PCDHA9: variants seen among roughly 807,000 people sequenced by gnomAD.
PCDHA9 encodes the protein protocadherin alpha 9.
PCDHA9 carries 62 observed loss-of-function variants against 62.0 expected under a neutral mutation model. That is an observed-to-expected ratio of 1.00 (90% CI 0.81 to 1.23). The LOEUF (loss-of-function observed/expected upper bound fraction) is 1.23, where lower values mean the gene tolerates loss of function less well. Ranked by LOEUF, PCDHA9 falls within the 50% of genes most tolerant of loss-of-function variation. The pLI, the probability that PCDHA9 is intolerant of heterozygous loss-of-function variation, is 0.00. For missense variants in PCDHA9, 1,205 were observed against 1,249.8 expected (o/e 0.96, Z 0.54); for synonymous variants, 557 against 567.6 (o/e 0.98, Z 0.27).
intron 1 of PCDHA9, among the ~76,000 whole-genome samples, chr5:140,959,151 C>CAG (rs782425604): frequency 2.0e-4 from 30 of 152,084 alleles, no homozygotes; most frequent in African/African-American, 7.0e-4. Context: ...CCAAAGTGGG[C>CAG]AGATTGCTTG....
At chr5:141,001,280 G>T (rs1308036863) in intron 3 of PCDHA9, among the ~76,000 whole-genome samples, 2 of 152,162 alleles carry the variant, frequency 1.3e-5, no homozygotes, top group South Asian at 2.1e-4. Context: ...TTTTTTTACG[G>T]ATGAAAACTG....
intron 1 of PCDHA9, among the ~76,000 whole-genome samples, chr5:140,887,239 G>C (rs1248062448): frequency 6.6e-6 from 1 of 151,736 alleles, no homozygotes. Flanking sequence ...TGAGACTACC[G>C]GCGCCCGCCA....
In PCDHA9 at chr5:140,973,293, A is replaced by G. The variant is rs150966135; in HGVS notation, c.2395-5656A>G. Among the ~76,000 whole-genome samples, 103 of 152,230 alleles carry G rather than the reference A, an allele frequency of 6.8e-4. No homozygotes were observed. The East Asian group carries it at 0.019, about 27-fold the overall frequency. On this transcript the variant is annotated intron_variant, in intron 1 of 3. Transcript: ENST00000532602. ...TATTTCCCCCAGCACTGATTTTTCT[A>G]TCTGATGACTCTATCCTGGAACAGA...
intron 1 of PCDHA9, chr5:140,856,104 T>C: frequency 6.3e-7 from 1 of 1,597,888 alleles, no homozygotes; most frequent in Non-Finnish European, 8.6e-7. Context: ...TCGCTTCTTC[T>C]CCTCGCAGCC....
chr5:140,929,082 G>A, intron 1 of PCDHA9: 2 of 1,614,216 alleles, frequency 1.2e-6, no homozygotes, highest in South Asian at 1.1e-5. Flanking sequence ...ATGGAAGTAA[G>A]ATGGTTTCAA....
Position 141,009,469 on chromosome 5 carries a change from A to G in PCDHA9, c.2543-158A>G, listed in dbSNP as rs1440766583. On this transcript the variant is annotated intron_variant, in intron 3 of 3. Transcript: ENST00000532602. Reference sequence around the variant, plus strand: ...AAAAAAATTAAACAAATAAATAAATAAGTAAACACTTGCCTTGCCCTCAGA... The same window carrying G: ...AAAAAAATTAAACAAATAAATAAATGAGTAAACACTTGCCTTGCCCTCAGA... 6 of 956,242 alleles carry G rather than the reference A, an allele frequency of 6.3e-6. No homozygotes were observed. The African/African-American group carries it at 7.1e-5, about 11-fold the overall frequency. 59.2% of individuals were successfully genotyped at this position (956,242 alleles called of 1,614,324 possible). A position where few individuals can be genotyped will look rare whatever the true frequency, so the allele number is the denominator to read the frequency against.
At position 140,850,860 on chromosome 5, in the gene PCDHA9, C is replaced by T. The variant is rs2150500728; in HGVS notation, c.2365C>T (p.Pro789Ser). 1 of 1,593,350 alleles carries T rather than the reference C, an allele frequency of 6.3e-7. No homozygotes were observed. Among genetic ancestry groups the T allele is most frequent in the Non-Finnish European group, 8.6e-7 (1 of 1,164,198 alleles). ...TGGATCTACAGAGCGAACGGGAGAA[C>T]CCTCTGCTTCCTCAGATTCAACTGG... ...CAGSTERTGE[P>S]SASSDSTGKP... Residue 789 changes from proline to serine, a missense_variant, in exon 1 of 4, where the codon CCC (proline) becomes TCC (serine). Pro to Ser is a moderately conservative substitution (Grantham distance 74). Transcript: ENST00000532602.
rs1488505557 is a variant in PCDHA9 at position 140,967,448 on chromosome 5, A to G, written c.2395-11501A>G. The G allele has an allele frequency of 6.8e-6, 11 of 1,613,462 alleles. No individual in the cohort carries two copies. Among genetic ancestry groups the G allele is most frequent in the Non-Finnish European group, 9.3e-6 (11 of 1,179,888 alleles). On this transcript the variant is annotated intron_variant, in intron 1 of 3. Transcript: ENST00000532602. ...GGCAGCCTTGCACCACCTGGTTCTC[A>G]CAGCCGTGGATGGGGGCATCCCAGC...
At chr5:140,974,799 A>G (rs116037205) in intron 1 of PCDHA9, among the ~76,000 whole-genome samples, 2 of 152,294 alleles carry the variant, frequency 1.3e-5, no homozygotes, top group African/African-American at 2.4e-5. Context: ...TCATTTTGAT[A>G]TACTAGAAGA....
At chr5:140,883,052 A>G (rs1554176592) in intron 1 of PCDHA9, 1 of 1,614,134 alleles carries the variant, frequency 6.2e-7, no homozygotes, top group East Asian at 2.2e-5. Flanking sequence ...AACATTAGTG[A>G]TCAAGCTAAA....
intron 2 of PCDHA9, among the ~76,000 whole-genome samples, chr5:140,979,916 A>C (rs369427870): frequency 4.1e-4 from 63 of 152,376 alleles, no homozygotes; most frequent in African/African-American, 1.4e-3. Context: ...CGTAAAGAGA[A>C]AGCCTACAAA....
chr5:140,876,063 G>T (rs1404065760), intron 1 of PCDHA9: 1 of 1,613,860 alleles, frequency 6.2e-7, no homozygotes, highest in East Asian at 2.2e-5. Flanking sequence ...TAGTTCTTCG[G>T]AAGTTATTGG....
intron 1 of PCDHA9, among the ~76,000 whole-genome samples, chr5:140,879,982 T>A (rs1554171120): frequency 1.3e-5 from 2 of 152,226 alleles, no homozygotes; most frequent in Non-Finnish European, 2.9e-5. Context: ...CCTTTCAAGA[T>A]CCTTAACTTA....
intron 1 of PCDHA9, among the ~76,000 whole-genome samples, chr5:140,935,239 A>G (rs1554210410): frequency 1.3e-5 from 2 of 152,172 alleles, no homozygotes. Flanking sequence ...TCTATTTTTT[A>G]AAAGATAAAA....
At chr5:140,955,124 CTG>C (rs1404094455) in intron 1 of PCDHA9, among the ~76,000 whole-genome samples, 1 of 152,016 alleles carries the variant, frequency 6.6e-6, no homozygotes. Context: ...TTCTGTTCCA[CTG>C]GTCTACACGT....
At chr5:140,926,296 G>A in intron 1 of PCDHA9, 1 of 152,316 alleles carries the variant, frequency 6.6e-6, no homozygotes, top group Non-Finnish European at 1.5e-5. Context: ...GCTGAGTCCC[G>A]CCCTCTCCGC....
At chr5:140,980,623 T>C (rs1554242045) in intron 2 of PCDHA9, among the ~76,000 whole-genome samples, 1 of 152,102 alleles carries the variant, frequency 6.6e-6, no homozygotes, top group African/African-American at 2.4e-5. Flanking sequence ...TGCGAGACTC[T>C]GTCTCAGAAG....
intron 1 of PCDHA9, among the ~76,000 whole-genome samples, chr5:140,959,348 G>A (rs991931151): frequency 7.2e-5 from 11 of 151,992 alleles, no homozygotes; most frequent in Middle Eastern, 6.3e-3. Flanking sequence ...GCACTCCAGC[G>A]GGACAACTGA....
rs1554262820 is a variant in PCDHA9, at chr5:141,010,243, G to A, written c.*306G>A. On this transcript the variant is annotated 3_prime_UTR_variant, in exon 4 of 4. Coordinates refer to ENST00000532602, the MANE Select transcript of PCDHA9 (RefSeq NM_031857.2). The stretch of plus-strand genomic sequence containing the variant: ...TTCCCAGCCCCGCCAGTGAGAGGTT[G>A]GACTCTCTGCCCTGTGCTCCGGGGA... 1 of 1,551,890 alleles carries A rather than the reference G, an allele frequency of 6.4e-7. No individual in the cohort carries two copies. Among genetic ancestry groups the A allele is most frequent in the Non-Finnish European group, 8.7e-7 (1 of 1,147,036 alleles).
Sources: allele counts gnomAD v4.1 joint callset (sites outside exome capture counted in the v4.1 genomes callset), GRCh38; gene constraint gnomAD v4.1.1; transcripts MANE v1.5; gene names NCBI Gene and HGNC (gene_info 2026-07-23, HGNC 2026-07-21).